Variants in PCSK6 observed in about 807,000 individuals in gnomAD.
PCSK6 encodes paired basic amino acid cleaving enzyme 4.
PCSK6 carries 85 observed loss-of-function variants against 123.3 expected under a neutral mutation model. The observed-to-expected ratio is 0.69, with a 90% CI of 0.58 to 0.83. The LOEUF (loss-of-function observed/expected upper bound fraction) is 0.83. PCSK6 is among the 40% of genes least tolerant of loss of function. PCSK6 has a pLI of 0.00. For synonymous variants in PCSK6, 508 were observed against 516.0 expected, an observed-to-expected ratio of 0.98 and a Z score of 0.21; for missense variants, 1,191 against 1,282.3, an observed-to-expected ratio of 0.93 and a Z score of 1.09.
At position 101,305,575 on chromosome 15, in the gene PCSK6, G is replaced by C. The variant is rs1416365530; in HGVS notation, c.2813-220C>G. On this transcript the variant is annotated intron_variant, in intron 21 of 21. Transcript: ENST00000611716. The surrounding 1 kb of genome is among the most constrained non-coding windows in gnomAD (Gnocchi z 4.8). ...ATATAAAAATTAGCTGGGCATGGTGGTGGGCACCTGTAATCCAAGCTACTC... is the reference window on the plus strand; with the variant it reads ...ATATAAAAATTAGCTGGGCATGGTGCTGGGCACCTGTAATCCAAGCTACTC... The C allele has an allele frequency of 1.1e-5, 5 of 465,922 alleles. No homozygotes were observed. Among genetic ancestry groups the C allele is most frequent in the Non-Finnish European group, 2.0e-5 (5 of 254,376 alleles). 28.9% of individuals were successfully genotyped at this position (465,922 alleles called of 1,614,324 possible).
At chr15:101,376,864 T>C (rs2041760779) in intron 11 of PCSK6, among the ~76,000 whole-genome samples, 1 of 152,188 alleles carries the variant, frequency 6.6e-6, no homozygotes, top group South Asian at 2.1e-4. Flanking sequence ...CACCCAGGCA[T>C]GCTCTGTATA....
At position 101,468,761 on chromosome 15, in the gene PCSK6, G is replaced by T. The variant is rs149621865; in HGVS notation, c.297+20613C>A. ...TGCTGTTAGGTATCCACACAGGAAG[G>T]CACAGCTCTCTCTAGGATCAGCATG... On this transcript the variant is annotated intron_variant, in intron 1 of 21. Transcript: ENST00000611716. Among the ~76,000 whole-genome samples, 818 of 152,298 alleles carry T rather than the reference G, an allele frequency of 5.4e-3. 7 individuals carry two copies. Among genetic ancestry groups the T allele is most frequent in the African/African-American group, 0.018 (748 of 41,562 alleles).
chr15:101,487,642 T>A (rs1031885002), intron 1 of PCSK6, among the ~76,000 whole-genome samples: 3 of 152,210 alleles, frequency 2.0e-5, no homozygotes, highest in Non-Finnish European at 4.4e-5. Context: ...CCAGGCACTT[T>A]GTAATTTATC....
At chr15:101,432,853 G>A (rs1163639203) in intron 2 of PCSK6, among the ~76,000 whole-genome samples, 1 of 152,200 alleles carries the variant, frequency 6.6e-6, no homozygotes, top group African/African-American at 2.4e-5. Flanking sequence ...AAGTAAATAT[G>A]GTAAGCCATA....
intron 5 of PCSK6, 105 bp downstream of exon 5, chr15:101,429,882 G>C (rs1239106140): frequency 1.0e-6 from 1 of 965,652 alleles, no homozygotes; most frequent in African/African-American, 1.6e-5. Flanking sequence ...AGGCAGGGAA[G>C]ATACGCCGGC....
At chr15:101,312,629 G>A (rs971347974) in intron 20 of PCSK6, among the ~76,000 whole-genome samples, 2 of 152,166 alleles carry the variant, frequency 1.3e-5, no homozygotes, top group African/African-American at 2.4e-5. Context: ...CCAGGAGTTC[G>A]AGACCAGCCT....
intron 9 of PCSK6, among the ~76,000 whole-genome samples, chr15:101,387,823 G>C (rs2042111506): frequency 2.5e-5 from 1 of 39,660 alleles, no homozygotes; most frequent in Non-Finnish European, 7.5e-5. Context: ...GCACAGGCGA[G>C]AGCTATCCCA....
At chr15:101,341,083 C>T (rs2040593916) in intron 13 of PCSK6, among the ~76,000 whole-genome samples, 1 of 148,732 alleles carries the variant, frequency 6.7e-6, no homozygotes, top group Non-Finnish European at 1.5e-5. Flanking sequence ...TTACAGATGC[C>T]ACCACCACAC....
Position 101,305,685 on chromosome 15 carries a change from G to A in PCSK6, c.2813-330C>T. ...ATCATGCCACTGCACTCCAGCCTGG[G>A]CAAGAAGAACAAAACTCCGTCTCAA... On this transcript the variant is annotated intron_variant, in intron 21 of 21. Coordinates refer to ENST00000611716, the MANE Select transcript of PCSK6 (RefSeq NM_002570.5). The surrounding 1 kb of genome is among the most constrained non-coding windows in gnomAD (Gnocchi z 4.8). 1 of 200,960 alleles carries A rather than the reference G, an allele frequency of 5.0e-6. No homozygotes were observed. Among genetic ancestry groups the A allele is most frequent in the Non-Finnish European group, 1.0e-5 (1 of 98,582 alleles). 12.4% of individuals were successfully genotyped at this position (200,960 alleles called of 1,614,324 possible).
At chr15:101,326,598 C>T in intron 15 of PCSK6, 119 bp from the exon 16 acceptor site, 1 of 964,518 alleles carries the variant, frequency 1.0e-6, no homozygotes, top group Admixed American at 2.3e-5. Flanking sequence ...CTCCCAGGCC[C>T]CGCTGGGGCT....
chr15:101,307,649 A>AC (rs2039756552), intron 20 of PCSK6: 1 of 284,062 alleles, frequency 3.5e-6, no homozygotes, highest in Admixed American at 4.6e-5. Flanking sequence ...CCCAGCCCCC[A>AC]CCCCACCACA....
chr15:101,339,244 A>C (rs1183011744), intron 13 of PCSK6, among the ~76,000 whole-genome samples: 1 of 152,228 alleles, frequency 6.6e-6, no homozygotes, highest in African/African-American at 2.4e-5. Context: ...GTTATTAACA[A>C]TATAGAGTTT....
chr15:101,324,316 C>T (rs1443392127), intron 17 of PCSK6, among the ~76,000 whole-genome samples: 1 of 152,258 alleles, frequency 6.6e-6, no homozygotes, highest in Non-Finnish European at 1.5e-5. Context: ...CTTCCGCCCA[C>T]ATCTGACTCC....
intron 1 of PCSK6, among the ~76,000 whole-genome samples, chr15:101,449,780 A>C (rs2056985658): frequency 6.6e-6 from 1 of 152,114 alleles, no homozygotes; most frequent in Non-Finnish European, 1.5e-5. Flanking sequence ...GATACCGAGA[A>C]GACAGGCCCA....
intron 13 of PCSK6, chr15:101,347,573 A>C: frequency 7.0e-7 from 1 of 1,436,296 alleles, no homozygotes; most frequent in Non-Finnish European, 9.2e-7. Context: ...GCATTCATGC[A>C]GTCAATCAAC....
chr15:101,327,975 C>T (rs1179522500), intron 15 of PCSK6, among the ~76,000 whole-genome samples: 1 of 152,222 alleles, frequency 6.6e-6, no homozygotes, highest in Non-Finnish European at 1.5e-5. Flanking sequence ...AAACTCCTCC[C>T]CCCAGCTCCA....
At chr15:101,352,137 ATT>A (rs56844456) in intron 13 of PCSK6, among the ~76,000 whole-genome samples, 1,217 of 96,964 alleles carry the variant, frequency 0.013, 32 homozygotes, top group African/African-American at 0.051. Flanking sequence ...TATTTTTCTA[ATT>A]TTTTTTTTTT....
intron 19 of PCSK6, among the ~76,000 whole-genome samples, chr15:101,316,027 C>G (rs2039983622): frequency 6.6e-6 from 1 of 152,210 alleles, no homozygotes; most frequent in South Asian, 2.1e-4. Context: ...GCCCAGGCCC[C>G]TGGGTGGGTG....
At chr15:101,443,942 G>T (rs192720444) in intron 1 of PCSK6, among the ~76,000 whole-genome samples, 3 of 152,294 alleles carry the variant, frequency 2.0e-5, no homozygotes, top group Admixed American at 6.5e-5. Flanking sequence ...TTAAAGTTTG[G>T]ACTATCATGG....
Sources: allele counts gnomAD v4.1 joint callset (sites outside exome capture counted in the v4.1 genomes callset), GRCh38; gene constraint gnomAD v4.1.1; non-coding constraint Gnocchi (gnomAD v3.1); transcripts MANE v1.5; gene names NCBI Gene and HGNC (gene_info 2026-07-23, HGNC 2026-07-21).